SHANK2: variants seen among roughly 807,000 people sequenced by gnomAD.
The protein encoded by SHANK2 is SH3 and multiple ankyrin repeat domains protein 2.
In SHANK2, 43 loss-of-function variants were observed where a neutral mutation model predicts 133.7. The observed-to-expected ratio is 0.32, with a 90% CI of 0.25 to 0.41. The LOEUF (loss-of-function observed/expected upper bound fraction) is 0.41. Ranked by LOEUF, SHANK2 falls within the 10% of genes least tolerant of loss-of-function variation. SHANK2 has a pLI of 1.00. For synonymous variants in SHANK2, 1,017 were observed against 952.8 expected, an observed-to-expected ratio of 1.07 and a Z score of -1.24; for missense variants, 1,994 against 2,235.8, an observed-to-expected ratio of 0.89 and a Z score of 2.18.
At chr11:71,070,018 G>T (rs1439985259) in intron 9 of SHANK2, among the ~76,000 whole-genome samples, 3 of 151,608 alleles carry the variant, frequency 2.0e-5, no homozygotes, top group Non-Finnish European at 4.4e-5. Context: ...GTATAGCAAG[G>T]TGTTCAAATG....
intron 10 of SHANK2, chr11:70,911,080 C>G (rs1458135760): frequency 8.8e-6 from 4 of 456,828 alleles, no homozygotes; most frequent in African/African-American, 6.0e-5. Context: ...CAGACTTCCT[C>G]CAAAATCACT....
chr11:70,788,791 G>A (rs1947723953), intron 14 of SHANK2, among the ~76,000 whole-genome samples: 1 of 152,116 alleles, frequency 6.6e-6, no homozygotes, highest in Non-Finnish European at 1.5e-5. Flanking sequence ...AGGCCACACA[G>A]GGTGTCCTAT....
intron 1 of SHANK2, among the ~76,000 whole-genome samples, chr11:71,242,370 G>A (rs1954905641): frequency 6.6e-6 from 1 of 152,206 alleles, no homozygotes; most frequent in Non-Finnish European, 1.5e-5. Flanking sequence ...TAAAAATGGT[G>A]AAAAGGGTAA....
At chr11:70,661,831 G>T in intron 15 of SHANK2, 153 bp from the exon 16 acceptor site, 1 of 1,606,534 alleles carries the variant, frequency 6.2e-7, no homozygotes, top group Non-Finnish European at 8.5e-7. Flanking sequence ...CAGCGAGGGT[G>T]CAGGAGGAGC....
At chr11:71,149,733 G>A (rs1420552051) in intron 2 of SHANK2, among the ~76,000 whole-genome samples, 1 of 143,138 alleles carries the variant, frequency 7.0e-6, no homozygotes, top group Admixed American at 6.9e-5. Flanking sequence ...ATACGCAAGA[G>A]GGAGGAAGGA....
intron 17 of SHANK2, among the ~76,000 whole-genome samples, chr11:70,655,932 T>C (rs1457550004): frequency 6.6e-6 from 1 of 152,148 alleles, no homozygotes; most frequent in African/African-American, 2.4e-5. Flanking sequence ...GCGTGTGGGC[T>C]GGAGACGAGG....
chr11:70,813,952 A>ACTG (rs1948331636), intron 12 of SHANK2, among the ~76,000 whole-genome samples: 1 of 152,110 alleles, frequency 6.6e-6, no homozygotes, highest in African/African-American at 2.4e-5. Context: ...GGCTGCAATG[A>ACTG]CTGCTTCAGG....
At chr11:71,233,570 T>G (rs191688218) in intron 1 of SHANK2, among the ~76,000 whole-genome samples, 6 of 152,330 alleles carry the variant, frequency 3.9e-5, no homozygotes, top group African/African-American at 1.4e-4. Context: ...ACAATCTCCC[T>G]AATTTACTAA....
At position 70,785,196 on chromosome 11, in the gene SHANK2, C is replaced by A. The variant is rs114243537; in HGVS notation, c.1777+13247G>T. Among the ~76,000 whole-genome samples, 1,520 of 152,240 alleles carry A rather than the reference C, an allele frequency of 1.0e-2. 20 individuals are homozygous for A. The highest frequency in any genetic ancestry group is 0.035 in the African/African-American group (1,451 of 41,528). On this transcript the variant is annotated intron_variant, in intron 14 of 25. Coordinates refer to ENST00000601538, the MANE Select transcript of SHANK2 (RefSeq NM_012309.5). ...GGCATGGCCAGGAGGGGACAGGAGACCTGCACACCACACAGGACAGACCCC... is the reference window on the plus strand; with the variant it reads ...GGCATGGCCAGGAGGGGACAGGAGAACTGCACACCACACAGGACAGACCCC...
At position 70,530,533 on chromosome 11, in the gene SHANK2, C is replaced by T. The variant is rs572319358; in HGVS notation, c.2062-27602G>A. On this transcript the variant is annotated intron_variant, in intron 17 of 25. Transcript: ENST00000601538. ...CCTGGGTGACAGAGCAAGACCCTGT[C>T]TCAAAAAAATTTAAAAACACAAAAG... is the stretch of plus-strand genomic sequence containing the variant. 5.3e-5 allele frequency among the ~76,000 whole-genome samples: 8 copies of T among 152,194 alleles called. No individual in the cohort carries two copies. The South Asian group carries it at 1.7e-3, about 32-fold the overall frequency.
intron 17 of SHANK2, among the ~76,000 whole-genome samples, chr11:70,632,467 G>A (rs893774807): frequency 1.4e-4 from 21 of 152,060 alleles, no homozygotes; most frequent in Non-Finnish European, 2.6e-4. Flanking sequence ...GGTGTGTGAA[G>A]GCAGTCTGGG....
intron 2 of SHANK2, among the ~76,000 whole-genome samples, chr11:71,179,852 T>C (rs1336187311): frequency 6.6e-6 from 1 of 152,116 alleles, no homozygotes; most frequent in Non-Finnish European, 1.5e-5. Flanking sequence ...AAATAAGACA[T>C]GCTTAGGAGA....
intron 2 of SHANK2, among the ~76,000 whole-genome samples, chr11:71,201,339 C>T (rs1250460486): frequency 2.0e-5 from 3 of 152,232 alleles, no homozygotes; most frequent in African/African-American, 7.2e-5. Context: ...ATCCCGAGGA[C>T]AAGCACGTCT....
At chr11:70,855,651 G>A (rs1380390635) in intron 11 of SHANK2, among the ~76,000 whole-genome samples, 56 of 152,242 alleles carry the variant, frequency 3.7e-4, no homozygotes, top group African/African-American at 1.3e-3. Context: ...AGCAGACCCT[G>A]AGGGCAGAGA....
At position 70,810,635 on chromosome 11, in the gene SHANK2, C is replaced by T. The variant is rs571689811; in HGVS notation, c.1494-3464G>A. 1.4e-3 allele frequency among the ~76,000 whole-genome samples: 210 copies of T among 152,370 alleles called. 3 individuals are homozygous for T. Among genetic ancestry groups the T allele is most frequent in the African/African-American group, 4.8e-3 (200 of 41,596 alleles). ...GAACCTCCCGTCACTCCCAGGCTGA[C>T]CTGCCCCAGCTGTGTGACCTTCAGT... is the stretch of plus-strand genomic sequence containing the variant. On this transcript the variant is annotated intron_variant, in intron 12 of 25. Coordinates refer to ENST00000601538, the MANE Select transcript of SHANK2 (RefSeq NM_012309.5).
chr11:71,197,992 T>A (rs1249033433), intron 2 of SHANK2, among the ~76,000 whole-genome samples: 1 of 152,196 alleles, frequency 6.6e-6, no homozygotes, highest in African/African-American at 2.4e-5. Flanking sequence ...ACAGGGGCAG[T>A]CACTGCTAAG....
At chr11:71,092,362 C>T (rs1264216678) in intron 8 of SHANK2, 60 bp downstream of exon 8, 6 of 1,538,052 alleles carry the variant, frequency 3.9e-6, no homozygotes, top group South Asian at 1.2e-5. Flanking sequence ...TCTGCGGGAT[C>T]GGAGGAGAAG....
At chr11:71,189,296 T>C (rs946057958) in intron 2 of SHANK2, among the ~76,000 whole-genome samples, 2 of 152,250 alleles carry the variant, frequency 1.3e-5, no homozygotes, top group Admixed American at 1.3e-4. Context: ...TTCCAGTCGC[T>C]GGTGCCTCGC....
intron 8 of SHANK2, among the ~76,000 whole-genome samples, chr11:71,076,123 G>C (rs1280554928): frequency 6.6e-6 from 1 of 152,160 alleles, no homozygotes; most frequent in Non-Finnish European, 1.5e-5. Flanking sequence ...AAGCTCACAG[G>C]GGCCAGGGAG....
Sources: allele counts gnomAD v4.1 joint callset (sites outside exome capture counted in the v4.1 genomes callset), GRCh38; gene constraint gnomAD v4.1.1; transcripts MANE v1.5; gene names NCBI Gene and HGNC (gene_info 2026-07-23, HGNC 2026-07-21).